The following TPH2 variants were observed in gnomAD, a reference collection of about 807,000 sequenced individuals.
TPH2 encodes tryptophan hydroxylase 2, also known as tryptophan 5-hydroxylase 2.
In TPH2, 27 loss-of-function variants were observed where a neutral mutation model predicts 59.1. The observed-to-expected ratio is 0.46, with a 90% CI of 0.34 to 0.63. The LOEUF (loss-of-function observed/expected upper bound fraction) is 0.63. Among genes scored for constraint, TPH2 ranks in the 30% least tolerant of loss-of-function variants. The probability of loss-of-function intolerance (pLI) is 0.01; values close to 1 mark genes in which losing one functional copy is unlikely to be tolerated. For synonymous variants in TPH2, 220 were observed against 210.5 expected, an observed-to-expected ratio of 1.05 and a Z score of -0.39; for missense variants, 523 against 588.3, an observed-to-expected ratio of 0.89 and a Z score of 1.15.
intron 5 of TPH2, among the ~76,000 whole-genome samples, chr12:71,968,788 A>G (rs1264293493): frequency 6.6e-6 from 1 of 152,152 alleles, no homozygotes; most frequent in African/African-American, 2.4e-5. Flanking sequence ...TACAGGTGGT[A>G]CAGGAGGAAT....
chr12:71,948,965 G>A (rs986814339), intron 4 of TPH2, among the ~76,000 whole-genome samples: 4 of 152,186 alleles, frequency 2.6e-5, no homozygotes, highest in Admixed American at 2.0e-4. Context: ...TAAAAATCTT[G>A]AAGTTGGCTA....
Position 71,944,602 on chromosome 12 carries a change from C to A in TPH2, c.456C>A (p.Pro152=), listed in dbSNP as rs751249661. The change falls in exon 4 of 11, where the codon CCC becomes CCA. Residue 152 remains proline, a synonymous_variant. Coordinates refer to ENST00000333850, the MANE Select transcript of TPH2 (RefSeq NM_173353.4). ...WTEEEELEDV[P]WFPRKISELD... ...TTTCAACAGAGCTAGAGGATGTGCCCTGGTTCCCTCGGAAGATCTCTGAGT... is the reference window on the plus strand; with the variant it reads ...TTTCAACAGAGCTAGAGGATGTGCCATGGTTCCCTCGGAAGATCTCTGAGT... 6.2e-7 allele frequency: 1 copy of A among 1,613,936 alleles called. No homozygotes were observed. The highest frequency in any genetic ancestry group is 1.3e-5 in the African/African-American group (1 of 75,016).
At chr12:71,947,485 T>C (rs1466320941) in intron 4 of TPH2, among the ~76,000 whole-genome samples, 2 of 151,110 alleles carry the variant, frequency 1.3e-5, no homozygotes, top group Non-Finnish European at 2.9e-5. Flanking sequence ...GATGCCCAGT[T>C]AAATTTGAGT....
intron 8 of TPH2, among the ~76,000 whole-genome samples, chr12:72,019,315 G>A (rs767225613): frequency 1.3e-5 from 2 of 152,074 alleles, no homozygotes; most frequent in Non-Finnish European, 2.9e-5. Flanking sequence ...GTACCTCCAT[G>A]ACCTTTTGAA....
At chr12:72,009,941 C>T (rs1372750143) in intron 8 of TPH2, among the ~76,000 whole-genome samples, 2 of 152,246 alleles carry the variant, frequency 1.3e-5, no homozygotes, top group African/African-American at 4.8e-5. Flanking sequence ...TTCCAATCTA[C>T]TTCTATTGCC....
intron 4 of TPH2, among the ~76,000 whole-genome samples, chr12:71,947,801 T>C (rs1238451154): frequency 2.0e-5 from 3 of 152,104 alleles, no homozygotes; most frequent in East Asian, 1.9e-4. Context: ...TAATGAGGCA[T>C]GATGAGTAAA....
intron 7 of TPH2, among the ~76,000 whole-genome samples, chr12:71,990,857 C>T (rs1339079484): frequency 1.3e-5 from 2 of 152,206 alleles, no homozygotes; most frequent in African/African-American, 4.8e-5. Context: ...TAGCAAAATA[C>T]AGCATGGTCA....
At chr12:71,991,914 C>T (rs1872585450) in intron 7 of TPH2, among the ~76,000 whole-genome samples, 1 of 152,088 alleles carries the variant, frequency 6.6e-6, no homozygotes, top group Non-Finnish European at 1.5e-5. Context: ...AGGAGAGCTC[C>T]TAGAGTCATC....
intron 8 of TPH2, among the ~76,000 whole-genome samples, chr12:71,997,991 T>A (rs1044447304): frequency 2.6e-5 from 4 of 152,132 alleles, no homozygotes; most frequent in African/African-American, 9.7e-5. Context: ...TCTATATAGG[T>A]CATGGCTAGG....
At chr12:71,994,333 A>G (rs1872643789) in intron 7 of TPH2, 106 bp from the exon 8 acceptor site, 1 of 1,230,348 alleles carries the variant, frequency 8.1e-7, no homozygotes, top group South Asian at 1.2e-5. Flanking sequence ...TGTAGTAACT[A>G]ATTAATTACA....
intron 5 of TPH2, among the ~76,000 whole-genome samples, chr12:71,957,481 T>C (rs1871543513): frequency 6.6e-6 from 1 of 151,802 alleles, no homozygotes; most frequent in African/African-American, 2.4e-5. Context: ...GGACTACAGG[T>C]GTGTGCCACC....
At chr12:72,029,879 T>C (rs1450982161) in intron 9 of TPH2, among the ~76,000 whole-genome samples, 3 of 152,174 alleles carry the variant, frequency 2.0e-5, no homozygotes, top group African/African-American at 7.2e-5. Context: ...ATTCCATGCA[T>C]TTTGAAATTG....
chr12:71,966,018 G>A (rs940772209), intron 5 of TPH2, among the ~76,000 whole-genome samples: 1 of 152,082 alleles, frequency 6.6e-6, no homozygotes, highest in Non-Finnish European at 1.5e-5. Context: ...TAAAAATAAG[G>A]TTATTCTTAT....
intron 5 of TPH2, among the ~76,000 whole-genome samples, chr12:71,951,083 C>T (rs950560930): frequency 3.9e-5 from 6 of 152,178 alleles, no homozygotes; most frequent in Admixed American, 2.0e-4. Context: ...TCTACTGTGA[C>T]TTTCCACACC....
chr12:72,011,404 C>T (rs1873095529), intron 8 of TPH2, among the ~76,000 whole-genome samples: 1 of 152,194 alleles, frequency 6.6e-6, no homozygotes, highest in Non-Finnish European at 1.5e-5. Context: ...GATGGATGGA[C>T]ATCTCACAGA....
At chr12:72,005,096 T>C (rs763282924) in intron 8 of TPH2, among the ~76,000 whole-genome samples, 13 of 152,202 alleles carry the variant, frequency 8.5e-5, no homozygotes, top group South Asian at 2.1e-4. Flanking sequence ...TGGGTGAATT[T>C]CACACTGGGG....
chr12:71,988,890 T>G (rs976458902), intron 7 of TPH2, among the ~76,000 whole-genome samples: 7 of 152,172 alleles, frequency 4.6e-5, no homozygotes, highest in African/African-American at 1.7e-4. Context: ...AGATTATGCC[T>G]TATTTACTTT....
intron 5 of TPH2, among the ~76,000 whole-genome samples, chr12:71,958,002 T>G (rs1004973301): frequency 6.6e-6 from 1 of 152,232 alleles, no homozygotes; most frequent in Non-Finnish European, 1.5e-5. Context: ...TGTCACTTGA[T>G]TTTCTGTCAT....
At chr12:71,989,155 A>G (rs1248914664) in intron 7 of TPH2, among the ~76,000 whole-genome samples, 1 of 151,576 alleles carries the variant, frequency 6.6e-6, no homozygotes, top group Non-Finnish European at 1.5e-5. Flanking sequence ...TGATAGGGAT[A>G]TAAGAAGGAG....
Sources: allele counts gnomAD v4.1 joint callset (sites outside exome capture counted in the v4.1 genomes callset), GRCh38; gene constraint gnomAD v4.1.1; transcripts MANE v1.5; gene names NCBI Gene and HGNC (gene_info 2026-07-23, HGNC 2026-07-21).